Variants in DCDC1 observed in about 807,000 individuals in gnomAD.
DCDC1 encodes doublecortin domain-containing protein 1.
In DCDC1, 200 loss-of-function variants were observed where a neutral mutation model predicts 178.3. The observed-to-expected ratio is 1.12, with a 90% CI of 1.00 to 1.26. DCDC1 has a LOEUF of 1.26. DCDC1 is among the 50% of genes most tolerant of loss of function. DCDC1 has a pLI of 0.00. For missense variants in DCDC1, 1,983 were observed against 1,749.2 expected (o/e 1.13, Z -2.38); for synonymous variants, 690 against 604.8 (o/e 1.14, Z -2.07).
At chr11:30,899,191 T>C (rs1004699062) in intron 34 of DCDC1, among the ~76,000 whole-genome samples, 4 of 152,096 alleles carry the variant, frequency 2.6e-5, no homozygotes, top group Non-Finnish European at 5.9e-5. Flanking sequence ...CAGCAAGGTT[T>C]GTTTAAAGAT....
chr11:31,214,693 A>G (rs1300871600), intron 9 of DCDC1, among the ~76,000 whole-genome samples: 1 of 152,222 alleles, frequency 6.6e-6, no homozygotes, highest in East Asian at 1.9e-4. Context: ...AATATACCTT[A>G]AATTGGTCTT....
intron 10 of DCDC1, among the ~76,000 whole-genome samples, chr11:31,132,805 G>A (rs1014406350): frequency 1.1e-4 from 17 of 152,218 alleles, no homozygotes; most frequent in Admixed American, 7.9e-4. Context: ...TTCATTCTCC[G>A]TGGAAATGCA....
At chr11:31,078,163 A>G (rs538573522) in intron 17 of DCDC1, among the ~76,000 whole-genome samples, 37 of 152,340 alleles carry the variant, frequency 2.4e-4, no homozygotes, top group African/African-American at 7.2e-4. Flanking sequence ...GTGTGTTACC[A>G]GTAGCAACAG....
At chr11:31,231,380 C>A (rs1975759517) in intron 9 of DCDC1, among the ~76,000 whole-genome samples, 1 of 152,028 alleles carries the variant, frequency 6.6e-6, no homozygotes, top group African/African-American at 2.4e-5. Flanking sequence ...CAAAGTGTCC[C>A]TTTGTTTGGT....
intron 3 of DCDC1, among the ~76,000 whole-genome samples, chr11:31,310,279 C>T (rs1948690270): frequency 7.3e-6 from 1 of 136,490 alleles, no homozygotes; most frequent in Non-Finnish European, 1.6e-5. Context: ...TGTTTTACAA[C>T]ATTGAGGACA....
intron 1 of DCDC1, among the ~76,000 whole-genome samples, chr11:31,366,926 T>C (rs1951991497): frequency 6.6e-6 from 1 of 152,202 alleles, no homozygotes; most frequent in Non-Finnish European, 1.5e-5. Flanking sequence ...GATGCAGTAA[T>C]CTGGTGAGTT....
intron 13 of DCDC1, among the ~76,000 whole-genome samples, chr11:31,104,808 T>A (rs1285864185): frequency 6.6e-6 from 1 of 152,024 alleles, no homozygotes; most frequent in Non-Finnish European, 1.5e-5. Flanking sequence ...ATATAACAGG[T>A]AAAACAAATG....
At chr11:30,868,460 A>G (rs1036559123) in intron 38 of DCDC1, among the ~76,000 whole-genome samples, 1 of 151,940 alleles carries the variant, frequency 6.6e-6, no homozygotes, top group African/African-American at 2.4e-5. Flanking sequence ...CATGTTGGCC[A>G]GGCTGGTCTT....
At chr11:30,997,582 T>C (rs1195240899) in intron 20 of DCDC1, among the ~76,000 whole-genome samples, 1 of 152,194 alleles carries the variant, frequency 6.6e-6, no homozygotes, top group African/African-American at 2.4e-5. Flanking sequence ...AATTTGTTTC[T>C]CCTAGTAGTA....
chr11:31,093,300 G>T (rs963557818), intron 16 of DCDC1, among the ~76,000 whole-genome samples: 1 of 152,098 alleles, frequency 6.6e-6, no homozygotes, highest in Admixed American at 6.6e-5. Flanking sequence ...TTTCATTTGC[G>T]AAAATAGTGT....
chr11:31,262,909 A>G, intron 8 of DCDC1: 2 of 709,790 alleles, frequency 2.8e-6, no homozygotes, highest in Non-Finnish European at 4.4e-6. Context: ...GTGGTTGCAC[A>G]GGCTAATTTC....
At chr11:31,035,293 G>A (rs1208662416) in intron 20 of DCDC1, among the ~76,000 whole-genome samples, 1 of 152,148 alleles carries the variant, frequency 6.6e-6, no homozygotes, top group East Asian at 1.9e-4. Flanking sequence ...TACAGGCTAT[G>A]TATTTGTATT....
chr11:31,338,391 T>C (rs1447354788), intron 1 of DCDC1, among the ~76,000 whole-genome samples: 1 of 152,150 alleles, frequency 6.6e-6, no homozygotes, highest in Non-Finnish European at 1.5e-5. Context: ...AAATGGATCA[T>C]ATTTGGGGGT....
intron 9 of DCDC1, among the ~76,000 whole-genome samples, chr11:31,145,554 T>G (rs1477400190): frequency 6.6e-6 from 1 of 152,216 alleles, no homozygotes; most frequent in African/African-American, 2.4e-5. Flanking sequence ...TCTCAAGTTC[T>G]TTGATTCAGA....
At chr11:31,114,643 T>G (rs1959592145) in intron 11 of DCDC1, among the ~76,000 whole-genome samples, 1 of 152,136 alleles carries the variant, frequency 6.6e-6, no homozygotes, top group Admixed American at 6.6e-5. Context: ...CAGGAATGTG[T>G]CCAGTATGTT....
At chr11:30,925,518 A>G in intron 22 of DCDC1, 110 bp from the exon 23 acceptor site, 2 of 909,870 alleles carry the variant, frequency 2.2e-6, no homozygotes, top group Non-Finnish European at 3.4e-6. Context: ...CTCTCTCTGC[A>G]GGACTGTTAG....
intron 8 of DCDC1, among the ~76,000 whole-genome samples, chr11:31,259,238 C>CGCTATTCGGGAGGCTGA (rs1215890164): frequency 6.6e-6 from 1 of 151,860 alleles, no homozygotes; most frequent in Non-Finnish European, 1.5e-5. Flanking sequence ...CTGTAATCCA[C>CGCTATTCGGGAGGCTGA]GCTATTCGGG....
At chr11:30,914,732 TC>T (rs1289260867) in intron 27 of DCDC1, among the ~76,000 whole-genome samples, 2 of 151,624 alleles carry the variant, frequency 1.3e-5, no homozygotes, top group Non-Finnish European at 2.9e-5. Flanking sequence ...TTTCATCCAT[TC>T]CCCTCAACTT....
intron 20 of DCDC1, among the ~76,000 whole-genome samples, chr11:31,011,248 G>A (rs1460003976): frequency 6.6e-6 from 1 of 151,914 alleles, no homozygotes. Context: ...ATGCATTAAG[G>A]CAAACTTCAA....
Sources: gnomAD v4.1 joint callset for allele counts (sites outside exome capture counted in the v4.1 genomes callset) on GRCh38, gnomAD v4.1.1 for gene constraint, MANE v1.5 for transcripts, NCBI Gene and HGNC (gene_info 2026-07-23, HGNC 2026-07-21) for gene names.